SDK1: variants seen among roughly 807,000 people sequenced by gnomAD.
SDK1 encodes protein sidekick-1.
Under a neutral mutation model 245.5 loss-of-function variants are expected in SDK1, and 157 were observed. That is an observed-to-expected ratio of 0.64 (90% CI 0.56 to 0.73). The LOEUF (loss-of-function observed/expected upper bound fraction) is 0.73. SDK1 is among the 30% of genes least tolerant of loss of function. SDK1 has a pLI of 0.00. For missense variants in SDK1, 3,583 were observed against 3,002.3 expected (o/e 1.19, Z -4.52); for synonymous variants, 1,647 against 1,278.5 (o/e 1.29, Z -6.15).
intron 5 of SDK1, among the ~76,000 whole-genome samples, chr7:3,897,467 T>C (rs1233590609): frequency 6.6e-6 from 1 of 152,230 alleles, no homozygotes; most frequent in Non-Finnish European, 1.5e-5. Flanking sequence ...TCTGCCCTTT[T>C]GTGTGTGACT....
chr7:4,022,186 G>T (rs1786947016), intron 17 of SDK1, among the ~76,000 whole-genome samples: 1 of 152,158 alleles, frequency 6.6e-6, no homozygotes, highest in East Asian at 1.9e-4. Flanking sequence ...TTAATTATTT[G>T]TCGGCATAAT....
intron 35 of SDK1, 74 bp from the exon 36 acceptor site, chr7:4,205,805 T>C: frequency 1.7e-6 from 2 of 1,179,766 alleles, no homozygotes; most frequent in Non-Finnish European, 2.5e-6. Context: ...TCGAGCCCCA[T>C]GGGCATGTGG....
At chr7:3,880,142 A>G (rs1781171256) in intron 5 of SDK1, among the ~76,000 whole-genome samples, 2 of 152,256 alleles carry the variant, frequency 1.3e-5, no homozygotes, top group African/African-American at 4.8e-5. Flanking sequence ...TTTAATGAAC[A>G]TGAACATAAT....
intron 44 of SDK1, among the ~76,000 whole-genome samples, chr7:4,253,387 C>T (rs1279860311): frequency 6.6e-6 from 1 of 152,144 alleles, no homozygotes. Flanking sequence ...TCTTCTTTGA[C>T]ACATTCGTTA....
intron 1 of SDK1, among the ~76,000 whole-genome samples, chr7:3,555,409 C>G (rs1412472066): frequency 2.0e-5 from 3 of 152,130 alleles, no homozygotes; most frequent in African/African-American, 4.8e-5. Flanking sequence ...ACCTCTATGT[C>G]TCATCACATA....
intron 32 of SDK1, among the ~76,000 whole-genome samples, chr7:4,166,398 C>T (rs1473031961): frequency 1.1e-4 from 16 of 152,246 alleles, no homozygotes; most frequent in Non-Finnish European, 5.9e-5. Flanking sequence ...GATAGGAAGA[C>T]AGCAGAAGGA....
At chr7:3,493,070 C>T (rs963922782) in intron 1 of SDK1, among the ~76,000 whole-genome samples, 3 of 152,186 alleles carry the variant, frequency 2.0e-5, no homozygotes, top group Admixed American at 6.5e-5. Flanking sequence ...CCTGCCTCAG[C>T]CTCCCCAGTA....
chr7:3,901,876 A>G (rs536279548), intron 5 of SDK1, among the ~76,000 whole-genome samples: 20 of 152,224 alleles, frequency 1.3e-4, no homozygotes, highest in African/African-American at 4.6e-4. Flanking sequence ...TTAATTGAAT[A>G]TGTTATAATA....
Position 3,951,876 on chromosome 7 carries a change from G to A in SDK1, c.1106G>A (p.Ser369Asn), listed in dbSNP as rs1425158204. 6.2e-7 allele frequency: 1 copy of A among 1,613,586 alleles called. No individual in the cohort carries two copies. Among genetic ancestry groups the A allele is most frequent in the Non-Finnish European group, 8.5e-7 (1 of 1,180,010 alleles). ...GTCTGCGAGGCGGCGCTGCCGGGGAGCGCTTTTGAACCGGCCAGGGCGACG... is the reference window on the plus strand; with the variant it reads ...GTCTGCGAGGCGGCGCTGCCGGGGAACGCTTTTGAACCGGCCAGGGCGACG... ...PYVCEAALPG[S>N]AFEPARATAF... The change falls in exon 7 of 45, where the codon AGC becomes AAC. Residue 369 changes from serine to asparagine, a missense_variant. Coordinates refer to ENST00000404826, the MANE Select transcript of SDK1 (RefSeq NM_152744.4).
chr7:4,005,589 G>A (rs2063173892), intron 14 of SDK1, among the ~76,000 whole-genome samples: 2 of 152,116 alleles, frequency 1.3e-5, no homozygotes, highest in African/African-American at 2.4e-5. Flanking sequence ...ACTTCCCTGA[G>A]TCTTGGTTTC....
intron 5 of SDK1, among the ~76,000 whole-genome samples, chr7:3,902,377 C>T (rs1781820327): frequency 6.6e-6 from 1 of 152,202 alleles, no homozygotes; most frequent in Non-Finnish European, 1.5e-5. Flanking sequence ...TCCTACAATT[C>T]ACACAAAATT....
intron 5 of SDK1, among the ~76,000 whole-genome samples, chr7:3,941,424 G>A (rs1024564699): frequency 2.0e-5 from 3 of 151,684 alleles, no homozygotes; most frequent in Non-Finnish European, 2.9e-5. Flanking sequence ...TGGCGCTCCT[G>A]CCTCCTCCGT....
chr7:3,353,960 G>T (rs1780727235), intron 1 of SDK1, among the ~76,000 whole-genome samples: 1 of 151,874 alleles, frequency 6.6e-6, no homozygotes, highest in African/African-American at 2.4e-5. Context: ...GTTGCAACCG[G>T]GCTCCATAGC....
chr7:3,728,446 A>G (rs1779078760), intron 4 of SDK1, among the ~76,000 whole-genome samples: 1 of 151,934 alleles, frequency 6.6e-6, no homozygotes, highest in Non-Finnish European at 1.5e-5. Flanking sequence ...TAGCTGAGTG[A>G]CTCCCTCTGT....
At chr7:4,244,196 C>G (rs34861141) in intron 43 of SDK1, among the ~76,000 whole-genome samples, 26,914 of 152,128 alleles carry the variant, frequency 0.18, 2,870 homozygotes, top group Non-Finnish European at 0.24. Context: ...GGCCTGTAGC[C>G]TCTCCTTGAT....
At chr7:3,627,911 C>T (rs541038515) in intron 2 of SDK1, among the ~76,000 whole-genome samples, 1 of 152,286 alleles carries the variant, frequency 6.6e-6, no homozygotes, top group East Asian at 1.9e-4. Context: ...TCCTGTTTCT[C>T]CCAGGCCTCT....
At chr7:3,793,201 C>T (rs540441543) in intron 4 of SDK1, among the ~76,000 whole-genome samples, 1 of 152,192 alleles carries the variant, frequency 6.6e-6, no homozygotes, top group African/African-American at 2.4e-5. Flanking sequence ...TGGTCTGTTT[C>T]CGTAAAAGAC....
rs540686201 is a variant in SDK1, at chr7:4,026,139, G to T, written c.2602+8787G>T. ...ACAGTCCCCATGCTGTATGGAAAAG[G>T]CCCCTTGCCCCACGGCTGGAGAGGG... On this transcript the variant is annotated intron_variant, in intron 17 of 44. Coordinates refer to ENST00000404826, the MANE Select transcript of SDK1 (RefSeq NM_152744.4). This position sits in a 1 kb window ranked among gnomAD's most constrained non-coding sequence, Gnocchi z 4.1. Among the ~76,000 whole-genome samples, 8 of 152,246 alleles carry T rather than the reference G, an allele frequency of 5.3e-5. No individual in the cohort carries two copies. Among genetic ancestry groups the T allele is most frequent in the Non-Finnish European group, 1.0e-4 (7 of 68,048 alleles).
At chr7:4,069,799 T>C (rs924452396) in intron 20 of SDK1, among the ~76,000 whole-genome samples, 2 of 152,268 alleles carry the variant, frequency 1.3e-5, no homozygotes, top group Non-Finnish European at 2.9e-5. Flanking sequence ...CCTTGTGGGA[T>C]CTCGTTTTGC....
Sources: allele counts gnomAD v4.1 joint callset (sites outside exome capture counted in the v4.1 genomes callset), GRCh38; gene constraint gnomAD v4.1.1; non-coding constraint Gnocchi (gnomAD v3.1); transcripts MANE v1.5; gene names NCBI Gene and HGNC (gene_info 2026-07-23, HGNC 2026-07-21).